The following DNAH17 variants were observed in gnomAD, a reference collection of about 807,000 sequenced individuals.
The protein encoded by DNAH17 is axonemal beta dynein heavy chain 17.
A neutral mutation model predicts 485.6 loss-of-function variants in DNAH17; 376 were observed. That is an observed-to-expected ratio of 0.77 (90% CI 0.71 to 0.84). The LOEUF (loss-of-function observed/expected upper bound fraction) is 0.84. Ranked by LOEUF, DNAH17 falls within the 40% of genes least tolerant of loss-of-function variation. DNAH17 has a pLI of 0.00. For synonymous variants in DNAH17, 3,031 were observed against 2,405.9 expected (o/e 1.26, Z -7.60); for missense variants, 6,370 against 5,839.3 (o/e 1.09, Z -2.96).
rs533158511 is a variant in DNAH17 at position 78,461,987 on chromosome 17, C to T, written c.9175-279G>A. ...ACATATCAACTGCAGCCTGGGCAAC[C>T]GAGTGAGACCCTGTCTGTATAAATA... On this transcript the variant is annotated intron_variant, in intron 57 of 80. Transcript: ENST00000389840. Among the ~76,000 whole-genome samples, 4 of 151,952 alleles carry T rather than the reference C, an allele frequency of 2.6e-5. No homozygotes were observed. The East Asian group carries it at 5.8e-4, about 22-fold the overall frequency.
chr17:78,561,550 CA>C (rs2092154620), intron 12 of DNAH17, among the ~76,000 whole-genome samples, 164 bp downstream of exon 12: 2 of 152,056 alleles, frequency 1.3e-5, no homozygotes, highest in African/African-American at 4.8e-5. Context: ...AGAAGGTGAT[CA>C]GGGGAGGAGG....
At chr17:78,441,496 G>C (rs78489982) in intron 71 of DNAH17, among the ~76,000 whole-genome samples, 4 of 152,128 alleles carry the variant, frequency 2.6e-5, no homozygotes, top group African/African-American at 9.7e-5. Context: ...GGTCAACTGC[G>C]GGGGGTGGGG....
intron 48 of DNAH17, among the ~76,000 whole-genome samples, chr17:78,482,338 T>C (rs958921021): frequency 1.2e-4 from 19 of 152,278 alleles, no homozygotes; most frequent in African/African-American, 4.1e-4. Context: ...TTTGTTTTTT[T>C]CCCCCATTAT....
At chr17:78,531,356 T>TTTTTTTTG (rs2091232966) in intron 20 of DNAH17, among the ~76,000 whole-genome samples, 1 of 148,398 alleles carries the variant, frequency 6.7e-6, no homozygotes, top group African/African-American at 2.5e-5. Context: ...TTTTTTTTTT[T>TTTTTTTTG]TGAGATGGAG....
chr17:78,532,776 T>TG, intron 19 of DNAH17, 40 bp from the exon 20 acceptor site: 1 of 1,538,192 alleles, frequency 6.5e-7, no homozygotes. Context: ...GGAGGTATGT[T>TG]GCCTGGTTCA....
At chr17:78,523,663 T>C (rs2090991119) in intron 25 of DNAH17, among the ~76,000 whole-genome samples, 1 of 152,240 alleles carries the variant, frequency 6.6e-6, no homozygotes, top group Non-Finnish European at 1.5e-5. Context: ...ACCAGCACTT[T>C]AGAAGGCTGA....
intron 72 of DNAH17, among the ~76,000 whole-genome samples, chr17:78,439,694 GAGT>G (rs1470177603): frequency 7.7e-6 from 1 of 129,632 alleles, no homozygotes; most frequent in Non-Finnish European, 1.6e-5. Context: ...TTTTGAGATG[GAGT>G]CTCACTCTGT....
At chr17:78,478,164 C>T (rs1007480266) in intron 51 of DNAH17, among the ~76,000 whole-genome samples, 2 of 147,910 alleles carry the variant, frequency 1.4e-5, no homozygotes, top group African/African-American at 5.0e-5. Flanking sequence ...CCATTACCAC[C>T]ATAACATCAC....
At chr17:78,462,809 G>A (rs376066908) in intron 57 of DNAH17, 35 bp downstream of exon 57, 47 of 1,606,158 alleles carry the variant, frequency 2.9e-5, no homozygotes, top group African/African-American at 8.0e-5. Context: ...TCCAGGGAAC[G>A]GCACAGGAGC....
chr17:78,510,595 G>A, intron 26 of DNAH17, 89 bp from the exon 27 acceptor site: 1 of 1,550,876 alleles, frequency 6.4e-7, no homozygotes, highest in Non-Finnish European at 8.8e-7. Flanking sequence ...GAGAGCCATT[G>A]CCGGGGCACG....
intron 11 of DNAH17, among the ~76,000 whole-genome samples, chr17:78,563,271 G>A (rs546585433): frequency 2.0e-5 from 3 of 152,148 alleles, no homozygotes; most frequent in Admixed American, 6.5e-5. Flanking sequence ...TACAAATGGA[G>A]CAGCCGTGGA....
chr17:78,573,852 C>T, intron 2 of DNAH17, among the ~76,000 whole-genome samples: 1 of 152,136 alleles, frequency 6.6e-6, no homozygotes, highest in East Asian at 1.9e-4. Flanking sequence ...AGCACACAGG[C>T]CCCTGTACTG....
At position 78,459,005 on chromosome 17, in the gene DNAH17, A is replaced by C. The variant is rs1262829315; in HGVS notation, c.9857T>G (p.Ile3286Ser). The C allele has an allele frequency of 1.2e-6, 2 of 1,613,874 alleles. No individual in the cohort carries two copies. Among genetic ancestry groups the C allele is most frequent in the Non-Finnish European group, 1.7e-6 (2 of 1,179,894 alleles). Residue 3286 changes from isoleucine (I) to serine (S), a missense_variant, in exon 61 of 81, where the codon ATT becomes AGT. By Grantham distance (142) the Ile-to-Ser change is moderately radical. Transcript: ENST00000389840. ...QEKLSRIKNK[I>S]AELNANLSNL... ...CGGGAGCGAGCCGGCACTTACGGCAATCTTGTTTTTGATCCGGGACAGCTT... is the reference window on the plus strand; with the variant it reads ...CGGGAGCGAGCCGGCACTTACGGCACTCTTGTTTTTGATCCGGGACAGCTT...
chr17:78,450,667 C>G lies in DNAH17; in HGVS notation c.10899+15G>C, dbSNP rs369465017. The G allele has an allele frequency of 1.9e-6, 3 of 1,605,850 alleles. No individual in the cohort carries two copies. The highest frequency in any genetic ancestry group is 2.2e-5 in the South Asian group (2 of 90,400). On this transcript the variant is annotated intron_variant, in intron 67 of 80. Coordinates refer to ENST00000389840, the MANE Select transcript of DNAH17 (RefSeq NM_173628.4). ...AGCCCTGGCTGCCAGGGCACGTCAC[C>G]GAGGCAGCTCTGACCTTCTCCTCGA... is the stretch of plus-strand genomic sequence containing the variant.
Position 78,429,964 on chromosome 17 carries a change from T to A in DNAH17, c.12226-664A>T, listed in dbSNP as rs905568210. On this transcript the variant is annotated intron_variant, in intron 75 of 80. Transcript: ENST00000389840. Reference sequence around the variant, plus strand: ...TTATCTGACCTAGGCTGCCCGGGCCTTAGGGAACGAAGACCAAACTCGGCA... The same window carrying A: ...TTATCTGACCTAGGCTGCCCGGGCCATAGGGAACGAAGACCAAACTCGGCA... 3.9e-5 allele frequency among the ~76,000 whole-genome samples: 6 copies of A among 152,180 alleles called. No individual in the cohort carries two copies. The South Asian group carries it at 1.0e-3, about 26-fold the overall frequency.
chr17:78,551,716 C>T, intron 15 of DNAH17, 78 bp from the exon 16 acceptor site: 2 of 1,432,016 alleles, frequency 1.4e-6, no homozygotes, highest in Non-Finnish European at 2.0e-6. Flanking sequence ...GTAATCTCAG[C>T]CCTTTGGGAG....
chr17:78,517,304 A>C (rs1002186573), intron 25 of DNAH17, among the ~76,000 whole-genome samples: 1 of 152,240 alleles, frequency 6.6e-6, no homozygotes, highest in African/African-American at 2.4e-5. Flanking sequence ...TTGGCCTCCC[A>C]AAGTGCTGGG....
At chr17:78,537,240 C>T (rs2091402670) in intron 19 of DNAH17, 59 bp downstream of exon 19, 1 of 1,509,040 alleles carries the variant, frequency 6.6e-7, no homozygotes, top group Admixed American at 2.1e-5. Flanking sequence ...AGGGCGGCAA[C>T]ACCAAATGGG....
intron 74 of DNAH17, among the ~76,000 whole-genome samples, chr17:78,436,159 G>A (rs2086845191): frequency 6.6e-6 from 1 of 152,236 alleles, no homozygotes; most frequent in South Asian, 2.1e-4. Flanking sequence ...GGGCGTGGTG[G>A]CTCACGCCTG....
Sources: gnomAD v4.1 joint callset for allele counts (sites outside exome capture counted in the v4.1 genomes callset) on GRCh38, gnomAD v4.1.1 for gene constraint, MANE v1.5 for transcripts, NCBI Gene and HGNC (gene_info 2026-07-23, HGNC 2026-07-21) for gene names.